C1orf146: variants seen among roughly 807,000 people sequenced by gnomAD.
The protein encoded by C1orf146 is protein SPO16 homolog.
In C1orf146, 22 loss-of-function variants were observed where a neutral mutation model predicts 23.0. The ratio of observed to expected loss-of-function variants is 0.96; its 90% CI spans 0.68 to 1.36. The LOEUF is 1.36. C1orf146 is among the 40% of genes most tolerant of loss of function. The pLI, the probability that C1orf146 is intolerant of heterozygous loss-of-function variation, is 0.00. For synonymous variants in C1orf146, 59 were observed against 65.3 expected (o/e 0.90, Z 0.47); for missense variants, 199 against 206.8 (o/e 0.96, Z 0.23).
intron 2 of C1orf146, among the ~76,000 whole-genome samples, chr1:92,236,194 T>C (rs1459338251): frequency 1.3e-5 from 2 of 152,128 alleles, no homozygotes; most frequent in Non-Finnish European, 2.9e-5. Flanking sequence ...ATGCAGTTTC[T>C]TCCTAGTCTC....
intron 1 of C1orf146, among the ~76,000 whole-genome samples, chr1:92,224,004 TTGTTTTATTTTA>T (rs1651901113): frequency 6.8e-6 from 1 of 147,034 alleles, no homozygotes; most frequent in South Asian, 2.1e-4. Context: ...GTTGTTGTTG[TTGTTTTATTTTA>T]TTTATTTATT....
At chr1:92,227,011 C>T (rs987944145) in intron 1 of C1orf146, among the ~76,000 whole-genome samples, 5 of 152,122 alleles carry the variant, frequency 3.3e-5, no homozygotes, top group Non-Finnish European at 5.9e-5. Context: ...GTACTTCTAC[C>T]ACTTCAAGGA....
intron 2 of C1orf146, among the ~76,000 whole-genome samples, chr1:92,235,089 T>C (rs1652242842): frequency 6.6e-6 from 1 of 152,038 alleles, no homozygotes; most frequent in Admixed American, 6.5e-5. Flanking sequence ...TTTTGAAGGG[T>C]TTTTTGTGTC....
intron 2 of C1orf146, among the ~76,000 whole-genome samples, chr1:92,238,947 T>C (rs1230962775): frequency 6.6e-6 from 1 of 152,188 alleles, no homozygotes; most frequent in Admixed American, 6.5e-5. Flanking sequence ...ATTTTTTAAT[T>C]AGGGTCTCAC....
chr1:92,234,482 G>A (rs1476069057), intron 2 of C1orf146, among the ~76,000 whole-genome samples: 1 of 152,188 alleles, frequency 6.6e-6, no homozygotes, highest in Non-Finnish European at 1.5e-5. Flanking sequence ...TGGTGGATAA[G>A]CTTTTTGATG....
At chr1:92,224,687 A>T (rs1651922544) in intron 1 of C1orf146, among the ~76,000 whole-genome samples, 1 of 151,984 alleles carries the variant, frequency 6.6e-6, no homozygotes, top group Admixed American at 6.6e-5. Context: ...TATTCTTTCT[A>T]TTTTTATTCC....
chr1:92,236,870 C>G (rs530684408), intron 2 of C1orf146, among the ~76,000 whole-genome samples: 2 of 152,280 alleles, frequency 1.3e-5, no homozygotes, highest in South Asian at 4.1e-4. Context: ...CATCTTCCAT[C>G]GCTGATACCC....
chr1:92,239,645 G>A (rs1174256986), intron 2 of C1orf146, among the ~76,000 whole-genome samples: 7 of 151,904 alleles, frequency 4.6e-5, no homozygotes, highest in Non-Finnish European at 7.4e-5. Context: ...CTAGCTACTT[G>A]GGAGGCTGAG....
chr1:92,227,100 T>G (rs1252964169), intron 1 of C1orf146, among the ~76,000 whole-genome samples: 1 of 152,222 alleles, frequency 6.6e-6, no homozygotes. Flanking sequence ...AACATCTATT[T>G]TAAACTTCCT....
intron 2 of C1orf146, chr1:92,240,615 T>C (rs191256449): frequency 6.5e-6 from 1 of 154,460 alleles, no homozygotes; most frequent in East Asian, 1.9e-4. Context: ...AAACAGAAAA[T>C]AAAATTAATC....
At chr1:92,223,944 A>G (rs1249129799) in intron 1 of C1orf146, among the ~76,000 whole-genome samples, 1 of 151,594 alleles carries the variant, frequency 6.6e-6, no homozygotes, top group Non-Finnish European at 1.5e-5. Context: ...TGCCCTTAAG[A>G]GTGTCTTTTT....
intron 4 of C1orf146, 55 bp downstream of exon 4, chr1:92,244,440 T>C (rs1652517391): frequency 6.6e-6 from 9 of 1,359,710 alleles, no homozygotes; most frequent in Non-Finnish European, 8.0e-6. Flanking sequence ...TTATTTCAGT[T>C]CTTAATTCTT....
rs1168442680 is a variant in C1orf146 at position 92,242,154 on chromosome 1, G to A, written c.67-58G>A. On this transcript the variant is annotated intron_variant, in intron 2 of 5. Transcript: ENST00000370375. The stretch of plus-strand genomic sequence containing the variant: ...TATTAAACTTTTAATTTTTTCTTTA[G>A]CTTTAATACAATTGTAAGCATGCCT... 7.8e-6 allele frequency: 7 copies of A among 899,426 alleles called. No homozygotes were observed. In the African/African-American group the frequency reaches 1.2e-4, roughly 15 times the overall value. The allele number at this position is 899,426 out of a possible 1,614,324, so 55.7% of individuals were successfully genotyped here.
chr1:92,231,603 A>G, intron 2 of C1orf146, 117 bp downstream of exon 2: 1 of 600,048 alleles, frequency 1.7e-6, no homozygotes, highest in South Asian at 2.9e-5. Context: ...TGTGGGGAGC[A>G]GGAAGTACAT....
intron 1 of C1orf146, among the ~76,000 whole-genome samples, chr1:92,219,685 C>T (rs1195448761): frequency 6.6e-6 from 1 of 151,588 alleles, no homozygotes; most frequent in African/African-American, 2.4e-5. Flanking sequence ...GCTATGTTGC[C>T]CAGGCTGGAG....
chr1:92,223,509 C>G (rs1338137098), intron 1 of C1orf146, among the ~76,000 whole-genome samples: 3 of 151,910 alleles, frequency 2.0e-5, no homozygotes, highest in African/African-American at 7.3e-5. Context: ...ACTATTGAGC[C>G]TTGAGTGTCT....
At position 92,230,615 on chromosome 1, in the gene C1orf146, CA is replaced by C. The variant is rs758993794; in HGVS notation, c.-39-752del. Among the ~76,000 whole-genome samples the C allele has an allele frequency of 6.3e-3, 775 of 123,048 alleles. 4 individuals are homozygous for C. The highest frequency in any genetic ancestry group is 0.013 in the Middle Eastern group (3 of 224). 80.7% of individuals were successfully genotyped at this position (123,048 alleles called of 152,430 possible). A position where few individuals can be genotyped will look rare whatever the true frequency, so the allele number is the denominator to read the frequency against. On this transcript the variant is annotated intron_variant, in intron 1 of 5. Coordinates refer to ENST00000370375, the MANE Select transcript of C1orf146 (RefSeq NM_001012425.2). ...TGGGCAACAGAGCAAGATTCCGTCTCAAAAAAAAAAAAAAATCAGCCAGGCA... is the reference window on the plus strand; with the variant it reads ...TGGGCAACAGAGCAAGATTCCGTCTCAAAAAAAAAAAAAATCAGCCAGGCA...
intron 2 of C1orf146, among the ~76,000 whole-genome samples, chr1:92,237,395 T>A (rs980463291): frequency 6.6e-6 from 1 of 152,222 alleles, no homozygotes; most frequent in African/African-American, 2.4e-5. Flanking sequence ...TGCCTGTGTA[T>A]CAGCAGTGGT....
chr1:92,237,971 C>G (rs372575110), intron 2 of C1orf146, among the ~76,000 whole-genome samples: 4 of 152,132 alleles, frequency 2.6e-5, no homozygotes, highest in Non-Finnish European at 5.9e-5. Context: ...GCTCTGTCGC[C>G]GAGGCTGGAG....
Sources: gnomAD v4.1 joint callset for allele counts (sites outside exome capture counted in the v4.1 genomes callset) on GRCh38, gnomAD v4.1.1 for gene constraint, MANE v1.5 for transcripts, NCBI Gene and HGNC (gene_info 2026-07-23, HGNC 2026-07-21) for gene names.